Variants in MAGI2 observed in about 807,000 individuals in gnomAD.
The protein encoded by MAGI2 is membrane-associated guanylate kinase, WW and PDZ domain-containing protein 2.
In MAGI2, 35 loss-of-function variants were observed where a neutral mutation model predicts 133.3. The observed-to-expected ratio is 0.26, with a 90% CI of 0.20 to 0.35. MAGI2 has a LOEUF of 0.35. MAGI2 is among the 10% of genes least tolerant of loss of function. The pLI is 1.00. For synonymous variants in MAGI2, 729 were observed against 710.6 expected (o/e 1.03, Z -0.41); for missense variants, 1,636 against 1,863.4 (o/e 0.88, Z 2.25).
intron 2 of MAGI2, among the ~76,000 whole-genome samples, chr7:78,883,840 A>G (rs1198113292): frequency 2.0e-5 from 3 of 152,196 alleles, no homozygotes; most frequent in Non-Finnish European, 2.9e-5. Context: ...ATTTCACCAT[A>G]TAGAAAAATT....
At chr7:78,748,194 A>G (rs1239628412) in intron 2 of MAGI2, among the ~76,000 whole-genome samples, 2 of 152,222 alleles carry the variant, frequency 1.3e-5, no homozygotes, top group Non-Finnish European at 2.9e-5. Flanking sequence ...CAAGTATTCA[A>G]ATCTTCCCTC....
At chr7:78,160,347 A>C in intron 15 of MAGI2, 74 bp from the exon 16 acceptor site, 1 of 1,396,432 alleles carries the variant, frequency 7.2e-7, no homozygotes, top group Non-Finnish European at 9.5e-7. Context: ...TGTACTAGGC[A>C]CTGTTCTAGA....
intron 2 of MAGI2, among the ~76,000 whole-genome samples, chr7:79,001,351 C>A (rs1476269576): frequency 2.0e-5 from 3 of 152,176 alleles, no homozygotes. Context: ...CACCAAATGA[C>A]AAAGAACAGT....
chr7:79,143,731 T>C (rs962732945), intron 1 of MAGI2, among the ~76,000 whole-genome samples: 2 of 152,238 alleles, frequency 1.3e-5, no homozygotes, highest in African/African-American at 4.8e-5. Context: ...CAATTAATTC[T>C]AGTAATTTTA....
intron 15 of MAGI2, among the ~76,000 whole-genome samples, chr7:78,161,049 T>C (rs1457329717): frequency 5.3e-5 from 8 of 152,248 alleles, no homozygotes; most frequent in African/African-American, 1.9e-4. Context: ...GCTTGCTTGC[T>C]CTAGGATCAA....
intron 1 of MAGI2, among the ~76,000 whole-genome samples, chr7:79,170,540 T>A (rs1825427785): frequency 6.6e-6 from 1 of 152,094 alleles, no homozygotes; most frequent in Non-Finnish European, 1.5e-5. Context: ...TATTGTTAAA[T>A]GTATTCTAAT....
At chr7:79,383,447 A>G (rs914451572) in intron 1 of MAGI2, among the ~76,000 whole-genome samples, 1 of 151,630 alleles carries the variant, frequency 6.6e-6, no homozygotes, top group Non-Finnish European at 1.5e-5. Flanking sequence ...GGATTTTAAA[A>G]TACCTAGTCA....
At chr7:78,617,326 C>G (rs1001233094) in intron 3 of MAGI2, 2 of 152,044 alleles carry the variant, frequency 1.3e-5, no homozygotes, top group Non-Finnish European at 2.9e-5. Context: ...TAAATTTGTG[C>G]TTTCTGCTGG....
At chr7:79,005,563 G>A (rs1807352018) in intron 2 of MAGI2, among the ~76,000 whole-genome samples, 1 of 151,984 alleles carries the variant, frequency 6.6e-6, no homozygotes, top group African/African-American at 2.4e-5. Flanking sequence ...TTATGTCATC[G>A]CCTTAGCAAG....
chr7:78,194,980 A>G lies in MAGI2; in HGVS notation c.2163T>C (p.Pro721=). ...CAGGAAAGGAGCTCCTGTGAAGGGCAGGTGGGAAGGGCAGGTTCTGCGGTA... is the reference window on the plus strand; with the variant it reads ...CAGGAAAGGAGCTCCTGTGAAGGGCGGGTGGGAAGGGCAGGTTCTGCGGTA... ...PAIPQNLPFP[P]ALHRSSFPDS... Residue 721 remains proline, a synonymous_variant, in exon 12 of 22, where the codon CCT becomes CCC. Transcript: ENST00000354212. 6.2e-7 allele frequency: 1 copy of G among 1,614,138 alleles called. No homozygotes were observed. Among genetic ancestry groups the G allele is most frequent in the Admixed American group, 1.7e-5 (1 of 60,016 alleles).
At chr7:78,325,358 A>G (rs17404237) in intron 9 of MAGI2, among the ~76,000 whole-genome samples, 40,663 of 152,052 alleles carry the variant, frequency 0.27, 6,121 homozygotes, top group Non-Finnish European at 0.31. Flanking sequence ...CAAACTTTAC[A>G]GCCTTGTTCA....
chr7:78,480,426 A>C (rs1563061544), intron 6 of MAGI2, among the ~76,000 whole-genome samples: 1 of 151,942 alleles, frequency 6.6e-6, no homozygotes, highest in Non-Finnish European at 1.5e-5. Context: ...CAAAATCACA[A>C]AACATAGACA....
chr7:78,948,238 A>G (rs1293218219), intron 2 of MAGI2, among the ~76,000 whole-genome samples: 3 of 152,010 alleles, frequency 2.0e-5, no homozygotes, highest in African/African-American at 7.2e-5. Flanking sequence ...ACATTTATAC[A>G]TTTAATATTA....
chr7:78,586,720 C>A (rs1803456374), intron 3 of MAGI2, among the ~76,000 whole-genome samples: 1 of 152,148 alleles, frequency 6.6e-6, no homozygotes, highest in South Asian at 2.1e-4. Flanking sequence ...CGAATCAAAC[C>A]AGAACTCTCC....
At chr7:78,887,227 C>A (rs2151558721) in intron 2 of MAGI2, among the ~76,000 whole-genome samples, 1 of 152,348 alleles carries the variant, frequency 6.6e-6, no homozygotes, top group East Asian at 1.9e-4. Context: ...ATCCTGTCAT[C>A]TAACTCCAAA....
intron 1 of MAGI2, among the ~76,000 whole-genome samples, chr7:79,446,199 C>T (rs1052514415): frequency 6.6e-6 from 1 of 152,036 alleles, no homozygotes; most frequent in African/African-American, 2.4e-5. Context: ...ATAGCATTAG[C>T]AGATATACCT....
chr7:78,813,762 G>A (rs1349004575), intron 2 of MAGI2, among the ~76,000 whole-genome samples: 4 of 143,876 alleles, frequency 2.8e-5, no homozygotes, highest in Non-Finnish European at 4.5e-5. Flanking sequence ...CTCCAGCCTG[G>A]GTGACAGAGT....
chr7:78,244,877 T>C (rs1791594065), intron 10 of MAGI2, among the ~76,000 whole-genome samples: 1 of 152,144 alleles, frequency 6.6e-6, no homozygotes, highest in Admixed American at 6.6e-5. Context: ...TTGATGCAGA[T>C]TCTGAATGAA....
intron 3 of MAGI2, among the ~76,000 whole-genome samples, chr7:78,526,195 C>T (rs148567377): frequency 2.8e-3 from 430 of 152,302 alleles, no homozygotes; most frequent in Non-Finnish European, 4.6e-3. Context: ...GTGATGCAAT[C>T]GCAACCTGCC....
Sources: allele counts gnomAD v4.1 joint callset (sites outside exome capture counted in the v4.1 genomes callset), GRCh38; gene constraint gnomAD v4.1.1; transcripts MANE v1.5; gene names NCBI Gene and HGNC (gene_info 2026-07-23, HGNC 2026-07-21).